The following SHISA9 variants were observed in gnomAD, a reference collection of about 807,000 sequenced individuals.
SHISA9 encodes the protein shisa family member 9, also known as protein shisa-9.
SHISA9 carries 13 observed loss-of-function variants against 38.0 expected under a neutral mutation model. The ratio of observed to expected loss-of-function variants is 0.34; its 90% CI spans 0.22 to 0.54. SHISA9 has a LOEUF of 0.54. Ranked by LOEUF, SHISA9 falls within the 20% of genes least tolerant of loss-of-function variation. The pLI, the probability that SHISA9 is intolerant of heterozygous loss-of-function variation, is 0.91. For synonymous variants in SHISA9, 275 were observed against 242.0 expected (o/e 1.14, Z -1.27); for missense variants, 538 against 575.8 (o/e 0.93, Z 0.67).
the SHISA9 span, among the ~76,000 whole-genome samples, chr16:13,494,746 G>C: frequency 1.3e-5 from 2 of 152,080 alleles, no homozygotes; most frequent in African/African-American, 4.8e-5. Flanking sequence ...GCTTACAATA[G>C]AACGCTATAT....
At chr16:13,507,884 C>T in the SHISA9 span, among the ~76,000 whole-genome samples, 6 of 152,190 alleles carry the variant, frequency 3.9e-5, no homozygotes, top group Non-Finnish European at 7.3e-5. Context: ...TTTCCAAAGC[C>T]GTCCGTGCCT....
At chr16:13,402,840 T>C in the SHISA9 span, among the ~76,000 whole-genome samples, 1 of 152,352 alleles carries the variant, frequency 6.6e-6, no homozygotes, top group East Asian at 1.9e-4. Flanking sequence ...ATTTCTGGGC[T>C]GGGTGCAGTG....
intron 2 of SHISA9, among the ~76,000 whole-genome samples, chr16:12,980,771 G>C (rs902527344): frequency 6.6e-6 from 1 of 151,072 alleles, no homozygotes; most frequent in African/African-American, 2.4e-5. Flanking sequence ...TCTTCCTCTG[G>C]AAGACTTCCT....
At chr16:13,291,468 C>G in the SHISA9 span, among the ~76,000 whole-genome samples, 1 of 152,154 alleles carries the variant, frequency 6.6e-6, no homozygotes, top group East Asian at 1.9e-4. Flanking sequence ...AGCAAAATAA[C>G]CCACTAACTT....
chr16:13,423,415 C>T, the SHISA9 span, among the ~76,000 whole-genome samples: 1 of 152,080 alleles, frequency 6.6e-6, no homozygotes, highest in African/African-American at 2.4e-5. Context: ...TACCTTATCC[C>T]CCAAAGTTAC....
intron 2 of SHISA9, among the ~76,000 whole-genome samples, chr16:13,000,634 G>C (rs1336593931): frequency 6.6e-6 from 1 of 152,134 alleles, no homozygotes; most frequent in Non-Finnish European, 1.5e-5. Flanking sequence ...CAGGCAGAAG[G>C]GGTCCCCAGG....
At chr16:13,453,149 A>C in the SHISA9 span, among the ~76,000 whole-genome samples, 1 of 151,960 alleles carries the variant, frequency 6.6e-6, no homozygotes, top group Non-Finnish European at 1.5e-5. Context: ...CAGCCTCCCA[A>C]AGTGCTGGGA....
chr16:13,281,956 T>A, the SHISA9 span, among the ~76,000 whole-genome samples: 1 of 151,834 alleles, frequency 6.6e-6, no homozygotes, highest in Non-Finnish European at 1.5e-5. Context: ...GTTTTAAACT[T>A]CATTTTACAA....
chr16:13,323,889 C>A, the SHISA9 span, among the ~76,000 whole-genome samples: 1 of 152,164 alleles, frequency 6.6e-6, no homozygotes. Context: ...CAGAGCCTAA[C>A]CATATCAATC....
chr16:13,475,590 G>C, the SHISA9 span, among the ~76,000 whole-genome samples: 3 of 152,128 alleles, frequency 2.0e-5, no homozygotes, highest in African/African-American at 7.2e-5. Context: ...ACCAGGGACC[G>C]GTTTCATGGA....
At chr16:13,084,353 C>A (rs1284941151) in intron 2 of SHISA9, among the ~76,000 whole-genome samples, 1 of 152,196 alleles carries the variant, frequency 6.6e-6, no homozygotes, top group African/African-American at 2.4e-5. Flanking sequence ...AACTCAATGA[C>A]CTCCCTGCTG....
the SHISA9 span, among the ~76,000 whole-genome samples, chr16:13,284,791 G>T: frequency 6.6e-6 from 1 of 152,096 alleles, no homozygotes; most frequent in South Asian, 2.1e-4. Context: ...TAGAGGCGAG[G>T]TTTCACCATG....
intron 2 of SHISA9, among the ~76,000 whole-genome samples, chr16:13,031,969 A>G (rs1172823560): frequency 6.6e-6 from 1 of 151,886 alleles, no homozygotes; most frequent in Non-Finnish European, 1.5e-5. Context: ...ATGCCCACCC[A>G]CATCTGGTGT....
At chr16:13,357,586 C>A in the SHISA9 span, among the ~76,000 whole-genome samples, 2 of 152,158 alleles carry the variant, frequency 1.3e-5, no homozygotes, top group Non-Finnish European at 2.9e-5. Context: ...TCATGCGCGT[C>A]CGTGTGAAGA....
the SHISA9 span, among the ~76,000 whole-genome samples, chr16:13,434,352 T>A: frequency 6.6e-6 from 1 of 151,384 alleles, no homozygotes; most frequent in African/African-American, 2.4e-5. Context: ...GGAACAATAC[T>A]TTGCATCCTT....
chr16:13,103,747 A>T (rs906970887), intron 2 of SHISA9, among the ~76,000 whole-genome samples: 1 of 152,166 alleles, frequency 6.6e-6, no homozygotes, highest in Non-Finnish European at 1.5e-5. Context: ...CATTCATCTC[A>T]TAGTGTCCAC....
intron 1 of SHISA9, chr16:12,909,424 A>G: frequency 1.0e-6 from 1 of 985,468 alleles, no homozygotes; most frequent in Non-Finnish European, 1.2e-6. Context: ...GTCAACACAT[A>G]GATTGGACAT....
the SHISA9 span, among the ~76,000 whole-genome samples, chr16:13,427,377 A>T: frequency 1.1e-4 from 16 of 152,328 alleles, no homozygotes; most frequent in Admixed American, 7.8e-4. Flanking sequence ...TTGACTCTTC[A>T]CCCTCTCTGT....
chr16:13,178,065 G>A (rs1195287880), intron 2 of SHISA9, among the ~76,000 whole-genome samples: 1 of 152,228 alleles, frequency 6.6e-6, no homozygotes, highest in Non-Finnish European at 1.5e-5. Context: ...AAATGAACGA[G>A]TGAATAATCA....
Sources: gnomAD v4.1 joint callset for allele counts (sites outside exome capture counted in the v4.1 genomes callset) on GRCh38, gnomAD v4.1.1 for gene constraint, MANE v1.5 for transcripts, NCBI Gene and HGNC (gene_info 2026-07-23, HGNC 2026-07-21) for gene names.